The following RPTOR variants were observed in gnomAD, a reference collection of about 807,000 sequenced individuals.
The protein encoded by RPTOR is regulatory associated protein of MTOR complex 1, also known as regulatory-associated protein of mTOR.
A neutral mutation model predicts 169.9 loss-of-function variants in RPTOR; 21 were observed. The observed-to-expected ratio is 0.12, with a 90% CI of 0.09 to 0.18. The LOEUF is 0.18. Ranked by LOEUF, RPTOR falls within the 10% of genes least tolerant of loss-of-function variation. The pLI, the probability that RPTOR is intolerant of heterozygous loss-of-function variation, is 1.00. For synonymous variants in RPTOR, 732 were observed against 753.2 expected (o/e 0.97, Z 0.46); for missense variants, 1,133 against 1,855.9 (o/e 0.61, Z 7.16).
intron 3 of RPTOR, among the ~76,000 whole-genome samples, chr17:80,675,936 A>G (rs1386455156): frequency 1.3e-5 from 2 of 152,056 alleles, no homozygotes; most frequent in African/African-American, 4.8e-5. Flanking sequence ...CCTACTCTTA[A>G]GAGGTATGAT....
intron 3 of RPTOR, among the ~76,000 whole-genome samples, chr17:80,687,335 C>G (rs934030824): frequency 6.6e-6 from 1 of 152,246 alleles, no homozygotes; most frequent in African/African-American, 2.4e-5. Context: ...TTCAGATTGT[C>G]ATCTGATCGA....
intron 4 of RPTOR, among the ~76,000 whole-genome samples, chr17:80,714,639 A>C (rs1314575076): frequency 6.6e-6 from 1 of 152,264 alleles, no homozygotes; most frequent in Non-Finnish European, 1.5e-5. Flanking sequence ...CCAAATTTAT[A>C]GGATTTAGGT....
At chr17:80,664,108 T>C (rs2065745120) in intron 3 of RPTOR, among the ~76,000 whole-genome samples, 2 of 151,960 alleles carry the variant, frequency 1.3e-5, no homozygotes, top group South Asian at 4.2e-4. Context: ...GGTGGTGGAG[T>C]GTTTATGACT....
intron 24 of RPTOR, among the ~76,000 whole-genome samples, chr17:80,938,414 G>A (rs1012157838): frequency 5.3e-5 from 8 of 152,320 alleles, no homozygotes; most frequent in Middle Eastern, 3.4e-3. Context: ...AGAGAAGCCC[G>A]AGTCTCATTA....
intron 7 of RPTOR, among the ~76,000 whole-genome samples, chr17:80,794,118 T>G (rs973451370): frequency 5.3e-5 from 8 of 152,210 alleles, no homozygotes; most frequent in Admixed American, 3.3e-4. Flanking sequence ...TGTAAAATGT[T>G]TACTCTCTGA....
At position 80,908,812 on chromosome 17, in the gene RPTOR, A is replaced by G. The variant is rs1292599094; in HGVS notation, c.2403A>G (p.Gly801=). Residue 801 remains glycine, a splice_region_variant and synonymous_variant, in exon 21 of 34, where the codon GGA becomes GGG. Coordinates refer to ENST00000306801, the MANE Select transcript of RPTOR (RefSeq NM_020761.3). The stretch of plus-strand genomic sequence containing the variant: ...ACATCTTCCATTTCTCTCTCTCAGG[A>G]GTTTCCTTTAACAGTGTTTACACTC... ...SSYSSLNSLI[G]VSFNSVYTQI... 3 of 1,609,412 alleles carry G rather than the reference A, an allele frequency of 1.9e-6. No individual in the cohort carries two copies. The South Asian group carries it at 3.3e-5, about 18-fold the overall frequency.
intron 28 of RPTOR, among the ~76,000 whole-genome samples, chr17:80,953,156 C>CT (rs2069204461): frequency 6.6e-6 from 1 of 152,186 alleles, no homozygotes; most frequent in Non-Finnish European, 1.5e-5. Flanking sequence ...TGAGCCACTG[C>CT]ACCCAGCCTG....
At chr17:80,603,254 A>T (rs905795108) in intron 1 of RPTOR, among the ~76,000 whole-genome samples, 5 of 152,212 alleles carry the variant, frequency 3.3e-5, no homozygotes, top group Non-Finnish European at 7.3e-5. Context: ...ACCAAGAGAA[A>T]CCTATCAAGA....
chr17:80,673,454 C>T (rs779601028), intron 3 of RPTOR, among the ~76,000 whole-genome samples: 2 of 152,172 alleles, frequency 1.3e-5, no homozygotes, highest in Non-Finnish European at 1.5e-5. Context: ...GTGACACTTT[C>T]CTGGGCATTT....
chr17:80,577,929 T>C (rs922377294), intron 1 of RPTOR, among the ~76,000 whole-genome samples: 1 of 152,242 alleles, frequency 6.6e-6, no homozygotes, highest in Non-Finnish European at 1.5e-5. Context: ...TTTAGCTGAT[T>C]GAAGGCAAAA....
intron 2 of RPTOR, among the ~76,000 whole-genome samples, chr17:80,632,309 C>T (rs1401885676): frequency 6.6e-6 from 1 of 152,230 alleles, no homozygotes; most frequent in African/African-American, 2.4e-5. Flanking sequence ...CTTCCTCATG[C>T]GGATCCCTGT....
intron 21 of RPTOR, 50 bp from the exon 22 acceptor site, chr17:80,922,674 C>T (rs772334640): frequency 1.5e-5 from 22 of 1,450,158 alleles, no homozygotes; most frequent in Middle Eastern, 1.7e-4. Flanking sequence ...TGGCGGCCTC[C>T]GCGGAGCACG....
chr17:80,726,063 C>T lies in RPTOR; in HGVS notation c.508-4497C>T, dbSNP rs8072355. ...CAGGGCAGCCCCACAAGGAGCGGCC[C>T]GGCCCCAAATGGCCCTGGTGCTGAG... On this transcript the variant is annotated intron_variant, in intron 4 of 33. Transcript: ENST00000306801. The surrounding 1 kb of genome is among the most constrained non-coding windows in gnomAD (Gnocchi z 4.5). Among the ~76,000 whole-genome samples, 29,224 of 152,042 alleles carry T rather than the reference C, an allele frequency of 0.19. 3,047 individuals carry two copies. The highest frequency in any genetic ancestry group is 0.24 in the East Asian group (1,247 of 5,178).
rs1409885111 is a variant in RPTOR, at chr17:80,708,050, T to C, written c.507+51T>C. On this transcript the variant is annotated intron_variant, in intron 4 of 33. Transcript: ENST00000306801. This position sits in a 1 kb window ranked among gnomAD's most constrained non-coding sequence, Gnocchi z 4.2. ...CCGTTTCTGCCAAAAGCCATGCCAA[T>C]TGCGGTGGTCGGAGCAGGTCCTGCC... is the stretch of plus-strand genomic sequence containing the variant. 8 of 1,576,298 alleles carry C rather than the reference T, an allele frequency of 5.1e-6. No individual in the cohort carries two copies. Among genetic ancestry groups the C allele is most frequent in the African/African-American group, 1.3e-5 (1 of 74,366 alleles).
chr17:80,792,584 C>T (rs1488278482), intron 7 of RPTOR, among the ~76,000 whole-genome samples: 1 of 151,980 alleles, frequency 6.6e-6, no homozygotes, highest in Non-Finnish European at 1.5e-5. Context: ...AGCTCAGTGC[C>T]CAGAGGCTTT....
chr17:80,919,564 G>GC (rs1243231593), intron 21 of RPTOR, among the ~76,000 whole-genome samples: 1 of 152,172 alleles, frequency 6.6e-6, no homozygotes, highest in Non-Finnish European at 1.5e-5. Context: ...TGGATCAGAC[G>GC]CCCCCGTGTC....
intron 14 of RPTOR, among the ~76,000 whole-genome samples, chr17:80,881,058 T>G (rs1379381153): frequency 6.6e-6 from 1 of 152,256 alleles, no homozygotes; most frequent in Non-Finnish European, 1.5e-5. Context: ...TGTTTTAATT[T>G]CTAACTCCCA....
chr17:80,775,062 G>A (rs2066880709), intron 6 of RPTOR, among the ~76,000 whole-genome samples: 1 of 152,092 alleles, frequency 6.6e-6, no homozygotes, highest in Admixed American at 6.5e-5. Flanking sequence ...TGTAAGTCTG[G>A]CCCCTCAGCC....
intron 6 of RPTOR, among the ~76,000 whole-genome samples, chr17:80,767,658 G>C (rs2143398094): frequency 6.6e-6 from 1 of 152,280 alleles, no homozygotes; most frequent in East Asian, 1.9e-4. Context: ...GACAACCTTT[G>C]TGAAATGTTT....
Sources: allele counts gnomAD v4.1 joint callset (sites outside exome capture counted in the v4.1 genomes callset), GRCh38; gene constraint gnomAD v4.1.1; non-coding constraint Gnocchi (gnomAD v3.1); transcripts MANE v1.5; gene names NCBI Gene and HGNC (gene_info 2026-07-23, HGNC 2026-07-21).